The following DNM3 variants were observed in gnomAD, a reference collection of about 807,000 sequenced individuals.
DNM3 encodes the protein dynamin 3.
A neutral mutation model predicts 101.6 loss-of-function variants in DNM3; 47 were observed. That is an observed-to-expected ratio of 0.46 (90% CI 0.37 to 0.59). The LOEUF is 0.59. Among genes scored for constraint, DNM3 ranks in the 20% least tolerant of loss-of-function variants. The pLI is 0.00. For missense variants in DNM3, 849 were observed against 1,085.7 expected (o/e 0.78, Z 3.06); for synonymous variants, 385 against 387.9 (o/e 0.99, Z 0.09).
At chr1:171,910,018 T>C (rs976828713) in intron 1 of DNM3, among the ~76,000 whole-genome samples, 2 of 152,222 alleles carry the variant, frequency 1.3e-5, no homozygotes, top group Non-Finnish European at 2.9e-5. Flanking sequence ...TGTGTGTTGA[T>C]TCTTTTGTTG....
In DNM3 at chr1:171,889,235, T is replaced by C. The variant is rs369431873; in HGVS notation, c.162-32513T>C. On this transcript the variant is annotated intron_variant, in intron 1 of 20. Transcript: ENST00000627582. ...CTCAAGCAATCCTCCCACCATGGCC[T>C]CCCAAAGTTCTGAGATTACACGTGT... Among the ~76,000 whole-genome samples the C allele has an allele frequency of 1.1e-4, 17 of 152,244 alleles. No individual in the cohort carries two copies. In the East Asian group the frequency reaches 1.9e-3, roughly 17 times the overall value.
chr1:172,064,793 A>G (rs2051524514), intron 10 of DNM3, among the ~76,000 whole-genome samples: 1 of 152,182 alleles, frequency 6.6e-6, no homozygotes, highest in Non-Finnish European at 1.5e-5. Flanking sequence ...CATTAATGCC[A>G]TTCAGTGGTG....
chr1:172,067,295 C>T (rs1404323290), intron 10 of DNM3, among the ~76,000 whole-genome samples: 1 of 152,122 alleles, frequency 6.6e-6, no homozygotes, highest in East Asian at 1.9e-4. Context: ...TAAAAATCAT[C>T]ATTGGAATTA....
intron 13 of DNM3, among the ~76,000 whole-genome samples, chr1:172,102,831 T>A (rs2054746354): frequency 1.3e-5 from 2 of 152,158 alleles, no homozygotes; most frequent in Admixed American, 1.3e-4. Context: ...GTGTGGTGTG[T>A]TTGATTCCAA....
At chr1:172,118,673 G>T (rs1002614671) in intron 13 of DNM3, among the ~76,000 whole-genome samples, 1 of 151,878 alleles carries the variant, frequency 6.6e-6, no homozygotes, top group African/African-American at 2.4e-5. Flanking sequence ...TCACCCACCC[G>T]TTCCACTCTC....
chr1:172,182,208 A>G (rs936813397), intron 14 of DNM3, among the ~76,000 whole-genome samples: 11 of 151,830 alleles, frequency 7.2e-5, no homozygotes, highest in African/African-American at 2.7e-4. Context: ...CAGTCTGTCC[A>G]AGATCAGTTA....
chr1:172,227,242 T>C (rs1204310710), intron 14 of DNM3, among the ~76,000 whole-genome samples: 2 of 143,022 alleles, frequency 1.4e-5, no homozygotes, highest in Non-Finnish European at 3.0e-5. Flanking sequence ...ATTTCATTCT[T>C]TTTTTTTAAT....
intron 2 of DNM3, among the ~76,000 whole-genome samples, chr1:171,969,931 G>C (rs1208487210): frequency 1.3e-5 from 2 of 152,118 alleles, no homozygotes; most frequent in Non-Finnish European, 2.9e-5. Context: ...ATGAAATAAT[G>C]TGTGTGACTA....
At chr1:172,119,583 T>C (rs1320860612) in intron 13 of DNM3, among the ~76,000 whole-genome samples, 1 of 152,094 alleles carries the variant, frequency 6.6e-6, no homozygotes, top group East Asian at 1.9e-4. Context: ...CCCTCTTCTC[T>C]TCTCACCCAA....
intron 15 of DNM3, among the ~76,000 whole-genome samples, chr1:172,292,665 G>A (rs774442560): frequency 1.4e-4 from 21 of 152,086 alleles, no homozygotes; most frequent in Non-Finnish European, 2.8e-4. Flanking sequence ...TTAAGTTGGT[G>A]CAAAAGTATT....
chr1:172,164,953 A>G (rs1007417984), intron 14 of DNM3, among the ~76,000 whole-genome samples: 4 of 152,112 alleles, frequency 2.6e-5, no homozygotes, highest in African/African-American at 9.7e-5. Context: ...CCTCCTGTTT[A>G]TACTAATGGC....
intron 10 of DNM3, 111 bp from the exon 11 acceptor site, chr1:172,068,706 TGC>T: frequency 1.1e-6 from 1 of 889,582 alleles, no homozygotes; most frequent in Non-Finnish European, 1.8e-6. Flanking sequence ...ATTTCATTTT[TGC>T]TTCCAGAATG....
chr1:172,397,415 G>C (rs1035690263), intron 20 of DNM3: 1 of 152,460 alleles, frequency 6.6e-6, no homozygotes, highest in African/African-American at 2.4e-5. Context: ...CAGACTTATA[G>C]TTTTAGCTCT....
intron 14 of DNM3, among the ~76,000 whole-genome samples, chr1:172,197,408 C>T (rs10911257): frequency 0.35 from 53,654 of 151,784 alleles, 9,820 homozygotes; most frequent in Middle Eastern, 0.49. Context: ...TTTGGTTCCA[C>T]ATGAATTTTA....
chr1:172,006,919 A>T (rs1281281470), intron 4 of DNM3, among the ~76,000 whole-genome samples: 1 of 151,970 alleles, frequency 6.6e-6, no homozygotes. Flanking sequence ...TACACTAAGT[A>T]CTCTTTGTGC....
rs538973346 is a variant in DNM3, at chr1:172,281,778, AC to A, written c.1770-26949del. ...GCAGTATTATACTTGTTTCTTTCTC[AC>A]TGAGATAAATGTTCCTAACAAAAAG... On this transcript the variant is annotated intron_variant, in intron 15 of 20. Coordinates refer to ENST00000627582, the MANE Select transcript of DNM3 (RefSeq NM_015569.5). Among the ~76,000 whole-genome samples, 232 of 152,058 alleles carry A rather than the reference AC, an allele frequency of 1.5e-3. 2 individuals carry two copies. Among genetic ancestry groups the A allele is most frequent in the South Asian group, 9.2e-3 (44 of 4,808 alleles).
At chr1:171,919,986 A>C (rs1044609367) in intron 1 of DNM3, among the ~76,000 whole-genome samples, 2 of 152,192 alleles carry the variant, frequency 1.3e-5, no homozygotes, top group Admixed American at 1.3e-4. Flanking sequence ...CATTTTCAAA[A>C]GCACATACAA....
chr1:172,190,164 C>A (rs2059660567), intron 14 of DNM3, among the ~76,000 whole-genome samples: 1 of 152,014 alleles, frequency 6.6e-6, no homozygotes, highest in Non-Finnish European at 1.5e-5. Context: ...TCCCTTTTCC[C>A]TGCACCCCCA....
chr1:172,360,761 A>G (rs2067700793), intron 17 of DNM3, among the ~76,000 whole-genome samples: 1 of 151,998 alleles, frequency 6.6e-6, no homozygotes, highest in African/African-American at 2.4e-5. Flanking sequence ...TGCCCTGCTT[A>G]CTTTAGCCAA....
Sources: allele counts gnomAD v4.1 joint callset (sites outside exome capture counted in the v4.1 genomes callset), GRCh38; gene constraint gnomAD v4.1.1; transcripts MANE v1.5; gene names NCBI Gene and HGNC (gene_info 2026-07-23, HGNC 2026-07-21).